The following MESP1 variants were observed in gnomAD, a reference collection of about 807,000 sequenced individuals.
The protein encoded by MESP1 is mesoderm posterior bHLH transcription factor 1, also known as mesoderm posterior protein 1.
In MESP1, 22 loss-of-function variants were observed where a neutral mutation model predicts 15.2. The ratio of observed to expected loss-of-function variants is 1.45; its 90% CI spans 1.04 to 2.07. The LOEUF is 2.07. Ranked by LOEUF, MESP1 falls within the 30% of genes most tolerant of loss-of-function variation. The probability of loss-of-function intolerance (pLI) is 0.00; values close to 1 mark genes in which losing one functional copy is unlikely to be tolerated. For missense variants in MESP1, 484 were observed against 411.9 expected (o/e 1.17, Z -1.51); for synonymous variants, 216 against 192.6 (o/e 1.12, Z -1.01).
the MESP1 span, among the ~76,000 whole-genome samples, chr15:89,742,435 A>G: frequency 4.5e-4 from 69 of 151,930 alleles, no homozygotes; most frequent in African/African-American, 1.6e-3. Flanking sequence ...CACCCTGCTA[A>G]GCGTGCCCGT....
chr15:89,750,571 C>T lies in MESP1; in HGVS notation c.661G>A (p.Ala221Thr), dbSNP rs776007359. Residue 221 changes from alanine to threonine, a missense_variant, in exon 1 of 2, where the codon GCG becomes ACG. Physicochemically the swap from Ala to Thr is moderately conservative, Grantham distance 58. Coordinates refer to ENST00000300057, the MANE Select transcript of MESP1 (RefSeq NM_018670.4). ...RAAPEPRDPP[A>T]LFAEAACPEG... ...GGGCACGCCGCCTCGGCGAACAGCG[C>T]AGGCGGGTCGCGCGGCTCGGGTGCA... is the stretch of plus-strand genomic sequence containing the variant. 50 of 1,437,194 alleles carry T rather than the reference C, an allele frequency of 3.5e-5. No individual in the cohort carries two copies. Among genetic ancestry groups the T allele is most frequent in the Non-Finnish European group, 4.3e-5 (48 of 1,104,262 alleles). 89.0% of individuals were successfully genotyped at this position (1,437,194 alleles called of 1,614,324 possible).
In MESP1 at chr15:89,750,014, C is replaced by G. The variant is rs1968050453; in HGVS notation, c.*130G>C. 1.1e-6 allele frequency: 1 copy of G among 903,258 alleles called. No homozygotes were observed. The allele number at this position is 903,258 out of a possible 1,614,324, so 56.0% of individuals were successfully genotyped here. The stretch of plus-strand genomic sequence containing the variant: ...GCCGCCGCGGTGGGGACGGCTCTCA[C>G]CCGCAGGAATGCCCCCGTCGGGATC... On this transcript the variant is annotated 3_prime_UTR_variant, in exon 2 of 2. Transcript: ENST00000300057.
Position 89,750,850 on chromosome 15 carries a change from G to A in MESP1, c.382C>T (p.Leu128=). 2 of 1,532,518 alleles carry A rather than the reference G, an allele frequency of 1.3e-6. No individual in the cohort carries two copies. Among genetic ancestry groups the A allele is most frequent in the Non-Finnish European group, 1.7e-6 (2 of 1,144,834 alleles). 94.9% of individuals were successfully genotyped at this position (1,532,518 alleles called of 1,614,324 possible). The change falls in exon 1 of 2, where the codon CTG becomes TTG. Residue 128 remains leucine, a synonymous_variant. Transcript: ENST00000300057. ...QSLTKIETLR[L]AIRYIGHLSA... The stretch of plus-strand genomic sequence containing the variant: ...AGGTGGCCGATATAGCGGATAGCCA[G>A]GCGCAGCGTCTCGATCTTGGTCAGG...
chr15:89,743,142 C>CCT, the MESP1 span: 1 of 704,708 alleles, frequency 1.4e-6, no homozygotes, highest in South Asian at 1.8e-5. Flanking sequence ...CTGCTGTGTA[C>CCT]CAGGCTGAGC....
In MESP1 at chr15:89,751,038, C is replaced by T. The variant is rs564414924; in HGVS notation, c.194G>A (p.Arg65His). ...GCCGCGCCTACCTACGGAGGGGGCG[C>T]GGGGGTCCCGGAGGGTGCCTGGCCG... ...PARPGTLRDP[R>H]APSVGRRGAR... Residue 65 changes from arginine to histidine, a missense_variant, in exon 1 of 2, where the codon CGC becomes CAC. By Grantham distance (29) the Arg-to-His change is conservative. Transcript: ENST00000300057. The T allele has an allele frequency of 3.0e-6, 4 of 1,345,948 alleles. No homozygotes were observed. Among genetic ancestry groups the T allele is most frequent in the East Asian group, 6.1e-5 (2 of 32,932 alleles). 83.4% of individuals were successfully genotyped at this position (1,345,948 alleles called of 1,614,324 possible). A position where few individuals can be genotyped will look rare whatever the true frequency, so the allele number is the denominator to read the frequency against.
the MESP1 span, chr15:89,738,261 C>T: frequency 4.5e-6 from 7 of 1,555,236 alleles, no homozygotes; most frequent in East Asian, 9.1e-5. Context: ...GTCTTCACCC[C>T]CTCCCACATC....
At chr15:89,738,224 T>G in the MESP1 span, 4 of 1,610,456 alleles carry the variant, frequency 2.5e-6, no homozygotes, top group Non-Finnish European at 3.4e-6. Flanking sequence ...TGTGAGCGTT[T>G]CCTCCAGAAG....
chr15:89,742,212 C>A, the MESP1 span, among the ~76,000 whole-genome samples: 1 of 152,056 alleles, frequency 6.6e-6, no homozygotes, highest in Non-Finnish European at 1.5e-5. Context: ...CATAGTGAGA[C>A]CCCATCTCTA....
In MESP1 at chr15:89,750,850, G is replaced by GGC; in HGVS notation, c.380_381dup (p.Leu128AlafsTer14). On this transcript the variant is annotated frameshift_variant, in exon 1 of 2. Transcript: ENST00000300057. LOFTEE classifies it high-confidence loss of function. ...AGGTGGCCGATATAGCGGATAGCCA[G>GGC]GCGCAGCGTCTCGATCTTGGTCAGG... 6.5e-7 allele frequency: 1 copy of GGC among 1,532,518 alleles called. No individual in the cohort carries two copies. Among genetic ancestry groups the GGC allele is most frequent in the Non-Finnish European group, 8.7e-7 (1 of 1,144,834 alleles). The allele number at this position is 1,532,518 out of a possible 1,614,324, so 94.9% of individuals were successfully genotyped here.
the MESP1 span, chr15:89,738,108 T>G: frequency 6.2e-7 from 1 of 1,614,084 alleles, no homozygotes; most frequent in Admixed American, 1.7e-5. Flanking sequence ...TCTATTTTAA[T>G]TTTGAGGCCT....
the MESP1 span, chr15:89,738,006 G>A: frequency 3.2e-6 from 5 of 1,568,994 alleles, no homozygotes; most frequent in South Asian, 2.4e-5. Flanking sequence ...GAAAGCGATT[G>A]TTACACAGAA....
chr15:89,735,453 A>T, the MESP1 span: 1 of 1,605,348 alleles, frequency 6.2e-7, no homozygotes, highest in Admixed American at 1.7e-5. Flanking sequence ...TTAAACTCTT[A>T]AAGTAGGAGA....
At chr15:89,743,170 G>A in the MESP1 span, 469 of 896,034 alleles carry the variant, frequency 5.2e-4, 4 homozygotes, top group East Asian at 6.6e-3. Context: ...ACACAGAGGC[G>A]ATGCAGGTGT....
At position 89,750,771 on chromosome 15, in the gene MESP1, C is replaced by CT; in HGVS notation, c.460_461insA (p.Arg154GlnfsTer3). On this transcript the variant is annotated frameshift_variant, in exon 1 of 2. Transcript: ENST00000300057. LOFTEE classifies it high-confidence loss of function. ...GCCCCGAGGGGACCCCGCGTCACCG[C>CT]GCTGCCGGCACCGGCGCTGGAGACT... 6.7e-7 allele frequency: 1 copy of CT among 1,495,358 alleles called. No homozygotes were observed. Among genetic ancestry groups the CT allele is most frequent in the Non-Finnish European group, 8.9e-7 (1 of 1,127,282 alleles). The allele number at this position is 1,495,358 out of a possible 1,614,324, so 92.6% of individuals were successfully genotyped here. A position where few individuals can be genotyped will look rare whatever the true frequency, so the allele number is the denominator to read the frequency against.
chr15:89,735,721 C>T, the MESP1 span, among the ~76,000 whole-genome samples: 1 of 152,222 alleles, frequency 6.6e-6, no homozygotes, highest in Non-Finnish European at 1.5e-5. Flanking sequence ...CTTCATGGAG[C>T]ACACAGCTCA....
chr15:89,745,160 G>A (rs1299617731), downstream of MESP1, among the ~76,000 whole-genome samples: 1 of 152,174 alleles, frequency 6.6e-6, no homozygotes, highest in Non-Finnish European at 1.5e-5. This position sits in a 1 kb window ranked among gnomAD's most constrained non-coding sequence, Gnocchi z 4.8. Flanking sequence ...AGGGAGCCCA[G>A]CCCACCCTCT....
the MESP1 span, chr15:89,737,801 C>T: frequency 1.3e-6 from 2 of 1,580,904 alleles, no homozygotes; most frequent in Admixed American, 3.5e-5. Context: ...ACAGAGAGAG[C>T]CCCTCCGATC....
rs1333953161 is a variant in MESP1, at chr15:89,750,899, C to T, written c.333G>A (p.Pro111=). The T allele has an allele frequency of 2.0e-6, 3 of 1,491,354 alleles. No homozygotes were observed. Among genetic ancestry groups the T allele is most frequent in the African/African-American group, 1.4e-5 (1 of 69,116 alleles). The allele number at this position is 1,491,354 out of a possible 1,614,324, so 92.4% of individuals were successfully genotyped here. The change falls in exon 1 of 2, where the codon CCG becomes CCA. Residue 111 remains proline, a synonymous_variant. Transcript: ENST00000300057. Reference sequence around the variant, plus strand: ...GGCTCTGGCCCGCGGGCGCCACGGACGGCGGTAGAAAGCGGCGCAGCTCGT... The same window carrying T: ...GGCTCTGGCCCGCGGGCGCCACGGATGGCGGTAGAAAGCGGCGCAGCTCGT... ...ALHELRRFLP[P]SVAPAGQSLT... is the part of the protein sequence containing the mutation.
chr15:89,737,648 C>G, the MESP1 span: 1 of 1,614,194 alleles, frequency 6.2e-7, no homozygotes, highest in Admixed American at 1.7e-5. Flanking sequence ...TGCCTTTGCC[C>G]CTCCGGGAGC....
Sources: gnomAD v4.1 joint callset for allele counts (sites outside exome capture counted in the v4.1 genomes callset) on GRCh38, gnomAD v4.1.1 for gene constraint, Gnocchi (gnomAD v3.1) non-coding constraint, MANE v1.5 for transcripts, NCBI Gene and HGNC (gene_info 2026-07-23, HGNC 2026-07-21) for gene names.